Variants in REC8 observed in about 807,000 individuals in gnomAD.
The protein encoded by REC8 is meiotic recombination protein REC8 homolog.
REC8 carries 42 observed loss-of-function variants against 78.3 expected under a neutral mutation model. The observed-to-expected ratio is 0.54, with a 90% confidence interval of 0.42 to 0.69. The LOEUF (loss-of-function observed/expected upper bound fraction) is 0.69. Ranked by LOEUF, REC8 falls within the 30% of genes least tolerant of loss-of-function variation. REC8 has a pLI of 0.00. For synonymous variants in REC8, 268 were observed against 274.1 expected (o/e 0.98, Z 0.22); for missense variants, 581 against 715.8 (o/e 0.81, Z 2.15).
Position 24,179,624 on chromosome 14 carries a change from C to T in REC8, c.1349C>T (p.Ala450Val), listed in dbSNP as rs1223827757. The T allele has an allele frequency of 3.7e-6, 6 of 1,614,084 alleles. No homozygotes were observed. In the East Asian group the frequency reaches 1.1e-4, roughly 30 times the overall value. ...TGGCCTGAGGTGGAGGCGCCAGAAG[C>T]TCCTGCATTGCCCGTGGTGCCTGAA... ...WAWPEVEAPE[A>V]PALPVVPELP... Residue 450 changes from alanine (A) to valine (V), a missense_variant, in exon 17 of 19, where the codon GCT becomes GTT. By Grantham distance (64) the Ala-to-Val change is moderately conservative. Coordinates refer to ENST00000611366, the MANE Select transcript of REC8 (RefSeq NM_001048205.2).
intron 15 of REC8, 81 bp downstream of exon 15, chr14:24,179,214 G>A (rs2039050662): frequency 7.5e-7 from 1 of 1,327,676 alleles, no homozygotes. Context: ...TGCTGAAGCT[G>A]TTTTATGAGT....
At chr14:24,177,620 T>C (rs1594421315) in intron 10 of REC8, 79 bp downstream of exon 10, 1 of 1,576,684 alleles carries the variant, frequency 6.3e-7, no homozygotes, top group African/African-American at 1.4e-5. Context: ...TATCCCAACT[T>C]GCTAAAGGGA....
Position 24,177,267 on chromosome 14 carries a change from C to CA in REC8, c.706+46dup, listed in dbSNP as rs370594097. 2,091 of 1,612,592 alleles carry CA rather than the reference C, an allele frequency of 1.3e-3. 22 individuals carry two copies. In the African/African-American group the frequency reaches 0.025, roughly 19 times the overall value. ...TAGGGCCCGCCTGGAGCTGGATAGT[C>CA]AGACCCCTGGCGTGGGCATTCTGGG... On this transcript the variant is annotated intron_variant, in intron 8 of 18. Coordinates refer to ENST00000611366, the MANE Select transcript of REC8 (RefSeq NM_001048205.2).
In REC8 at chr14:24,172,770, G is replaced by A. The variant is rs376933758; in HGVS notation, c.114G>A (p.Val38=). ...AGCGCGAATACCTGAGGGTGAATGT[G>A]GTGAAAACCTGGTAAGGCCCAGAAA... is the stretch of plus-strand genomic sequence containing the variant. ...LVKREYLRVN[V]VKTCEEILNY... The change falls in exon 2 of 19, where the codon GTG becomes GTA. Residue 38 remains valine, a synonymous_variant. Transcript: ENST00000611366. 17 of 1,614,046 alleles carry A rather than the reference G, an allele frequency of 1.1e-5. No homozygotes were observed. The highest frequency in any genetic ancestry group is 6.7e-5 in the East Asian group (3 of 44,896).
At position 24,179,913 on chromosome 14, in the gene REC8, G is replaced by T. The variant is rs748167792; in HGVS notation, c.1558+7G>T. ...GTCTTCTACCTGCTCCTGGGTGAGT[G>T]TATGCATGTGTGTGTGTGTATGTGG... On this transcript the variant is annotated splice_region_variant and intron_variant, in intron 18 of 18. Transcript: ENST00000611366. 6.2e-6 allele frequency: 10 copies of T among 1,613,926 alleles called. No individual in the cohort carries two copies. Among genetic ancestry groups the T allele is most frequent in the Non-Finnish European group, 6.8e-6 (8 of 1,179,974 alleles).
At position 24,177,554 on chromosome 14, in the gene REC8, CA is replaced by C; in HGVS notation, c.814+14del. On this transcript the variant is annotated intron_variant, in intron 10 of 18. Transcript: ENST00000611366. ...GCCCTACTCATGGGTGAGTGCCCAC[CA>C]TGCCCCAGGGGCTTTTCTGGGAGTA... 6.2e-7 allele frequency: 1 copy of C among 1,610,090 alleles called. No individual in the cohort carries two copies. Among genetic ancestry groups the C allele is most frequent in the Non-Finnish European group, 8.5e-7 (1 of 1,177,850 alleles).
chr14:24,180,908 A>G (rs981095196), downstream of REC8: 11 of 627,966 alleles, frequency 1.8e-5, no homozygotes, highest in Non-Finnish European at 3.0e-5. Context: ...TATGAACATG[A>G]GAAGAACCAA....
At chr14:24,172,677 C>G (rs1436456860) in intron 1 of REC8, 36 bp from the exon 2 acceptor site, 1 of 1,614,026 alleles carries the variant, frequency 6.2e-7, no homozygotes, top group Non-Finnish European at 8.5e-7. Flanking sequence ...AGCTCCCCCT[C>G]CATCCCCATT....
At chr14:24,180,486 C>A (rs767223120), downstream of REC8, 9 of 1,613,720 alleles carry the variant, frequency 5.6e-6, no homozygotes, top group Admixed American at 1.5e-4. Context: ...GCCTTGTCAA[C>A]AGGCAGTGAG....
In REC8 at chr14:24,172,976, ATC is replaced by A; in HGVS notation, c.208_209del (p.Ala71ProfsTer42). The A allele has an allele frequency of 6.2e-7, 1 of 1,609,548 alleles. No individual in the cohort carries two copies. On this transcript the variant is annotated frameshift_variant, in exon 3 of 19. Transcript: ENST00000611366. LOFTEE classifies it high-confidence loss of function. ...CTGCCGCGGCCCCGCTTCTCCCTCT[ATC>A]TCTCAGCCCAACTTCAGATCGGTGT...
chr14:24,175,699 C>A, intron 6 of REC8, 75 bp downstream of exon 6: 7 of 1,181,296 alleles, frequency 5.9e-6, no homozygotes, highest in Non-Finnish European at 8.6e-6. Flanking sequence ...CATTTTTGAG[C>A]TTAAGAGCCA....
chr14:24,172,504 G>C lies in REC8; in HGVS notation c.-49G>C. ...CTGTGCCCTAAAGAATTCCGACTCAGATCCGAACGGGGATCTGGTGGAATC... is the reference window on the plus strand; with the variant it reads ...CTGTGCCCTAAAGAATTCCGACTCACATCCGAACGGGGATCTGGTGGAATC... On this transcript the variant is annotated 5_prime_UTR_variant, in exon 1 of 19. Coordinates refer to ENST00000611366, the MANE Select transcript of REC8 (RefSeq NM_001048205.2). The C allele has an allele frequency of 6.3e-7, 1 of 1,576,824 alleles. No individual in the cohort carries two copies. Among genetic ancestry groups the C allele is most frequent in the Non-Finnish European group, 8.7e-7 (1 of 1,154,386 alleles).
At chr14:24,172,807 G>C (rs1189664607) in intron 2 of REC8, 26 bp downstream of exon 2, 2 of 1,613,968 alleles carry the variant, frequency 1.2e-6, no homozygotes, top group African/African-American at 1.3e-5. Context: ...GGGAAGGAGG[G>C]CCTGGTGCGG....
intron 5 of REC8, among the ~76,000 whole-genome samples, 161 bp downstream of exon 5, chr14:24,173,572 C>A (rs1417837163): frequency 6.6e-6 from 1 of 152,180 alleles, no homozygotes; most frequent in Non-Finnish European, 1.5e-5. Flanking sequence ...CAGGCGAAGC[C>A]CCCTGTACTT....
chr14:24,180,626 G>C (rs371255125), downstream of REC8: 3 of 1,612,460 alleles, frequency 1.9e-6, no homozygotes, highest in African/African-American at 4.0e-5. Flanking sequence ...CGCTGCCCCA[G>C]GCTCTCTGAG....
Position 24,177,377 on chromosome 14 carries a change from C to T in REC8, c.731C>T (p.Pro244Leu). Residue 244 changes from proline to leucine, a missense_variant, in exon 9 of 19, where the codon CCT (proline) becomes CTT (leucine). By Grantham distance (98) the Pro-to-Leu change is moderately conservative (BLOSUM62 -3). Coordinates refer to ENST00000611366, the MANE Select transcript of REC8 (RefSeq NM_001048205.2). ...LEIPRLPPPA[P>L]AEVEGIGEAL... ...GTCCCGCGGCTCCCACCTCCAGCTCCTGCAGAGTAAGGGCAAGAACTCCTA... is the reference window on the plus strand; with the variant it reads ...GTCCCGCGGCTCCCACCTCCAGCTCTTGCAGAGTAAGGGCAAGAACTCCTA... 1 of 1,614,208 alleles carries T rather than the reference C, an allele frequency of 6.2e-7. No individual in the cohort carries two copies. The highest frequency in any genetic ancestry group is 8.5e-7 in the Non-Finnish European group (1 of 1,180,032).
At chr14:24,173,940 A>T (rs774355818) in intron 5 of REC8, among the ~76,000 whole-genome samples, 5 of 152,082 alleles carry the variant, frequency 3.3e-5, no homozygotes, top group Non-Finnish European at 7.4e-5. Context: ...ATCTCAGCTT[A>T]CTGCAACCTC....
intron 7 of REC8, 42 bp downstream of exon 7, chr14:24,176,943 G>T: frequency 6.6e-7 from 1 of 1,518,148 alleles, no homozygotes; most frequent in Non-Finnish European, 9.1e-7. Context: ...CAGCCCCCTT[G>T]CATGTACTTC....
At position 24,179,866 on chromosome 14, in the gene REC8, C is replaced by T. The variant is rs1386906058; in HGVS notation, c.1518C>T (p.Ser506=). The T allele has an allele frequency of 3.1e-6, 5 of 1,613,558 alleles. No individual in the cohort carries two copies. The African/African-American group carries it at 4.0e-5, about 13-fold the overall frequency. The change falls in exon 18 of 19, where the codon AGC becomes AGT. Residue 506 remains serine (S), a synonymous_variant. Transcript: ENST00000611366. ...TCAGCAGCCTGGTGTCACCTCTCAG[C>T]CCCCGCAGGATGGCTGCCCGGGTCT... is the stretch of plus-strand genomic sequence containing the variant. The part of the protein sequence containing the change: ...PDFSSLVSPL[S]PRRMAARVFY...
Sources: gnomAD v4.1 joint callset for allele counts (sites outside exome capture counted in the v4.1 genomes callset) on GRCh38, gnomAD v4.1.1 for gene constraint, MANE v1.5 for transcripts, NCBI Gene and HGNC (gene_info 2026-07-23, HGNC 2026-07-21) for gene names.